The following MOXD1 variants were observed in gnomAD, a reference collection of about 807,000 sequenced individuals.
The protein encoded by MOXD1 is monooxygenase DBH like 1, also known as DBH-like monooxygenase protein 1.
In MOXD1, 62 loss-of-function variants were observed where a neutral mutation model predicts 66.6. That is an observed-to-expected ratio of 0.93 (90% CI 0.76 to 1.15). The LOEUF (loss-of-function observed/expected upper bound fraction) is 1.15, where lower values mean the gene tolerates loss of function less well. Among genes scored for constraint, MOXD1 ranks in the 50% most tolerant of loss-of-function variants. The pLI, the probability that MOXD1 is intolerant of heterozygous loss-of-function variation, is 0.00. For synonymous variants in MOXD1, 303 were observed against 281.9 expected (o/e 1.07, Z -0.75); for missense variants, 847 against 754.6 (o/e 1.12, Z -1.44).
chr6:132,329,101 C>T (rs2114585204), intron 4 of MOXD1, among the ~76,000 whole-genome samples: 1 of 152,258 alleles, frequency 6.6e-6, no homozygotes, highest in African/African-American at 2.4e-5. Context: ...TCTCCTAATG[C>T]TATCCCTCCC....
intron 1 of MOXD1, among the ~76,000 whole-genome samples, chr6:132,395,654 A>G (rs1452127790): frequency 3.3e-5 from 5 of 152,206 alleles, no homozygotes; most frequent in Non-Finnish European, 7.4e-5. Flanking sequence ...GTAAAGCCAT[A>G]TACTAACTGA....
chr6:132,366,765 A>C (rs777589530), intron 4 of MOXD1, among the ~76,000 whole-genome samples: 7 of 152,152 alleles, frequency 4.6e-5, no homozygotes, highest in Non-Finnish European at 1.0e-4. Flanking sequence ...AAGTGAGCAC[A>C]GTAGAAAAAC....
intron 4 of MOXD1, among the ~76,000 whole-genome samples, chr6:132,362,739 C>T (rs924721088): frequency 2.0e-5 from 3 of 152,190 alleles, no homozygotes; most frequent in Admixed American, 1.3e-4. Context: ...TTTTGGCTTG[C>T]TTCCAGCAAT....
chr6:132,392,827 T>C (rs1308379652), intron 1 of MOXD1, among the ~76,000 whole-genome samples: 1 of 152,240 alleles, frequency 6.6e-6, no homozygotes, highest in African/African-American at 2.4e-5. Flanking sequence ...GTTAATATCC[T>C]CTTTGCGGAA....
intron 4 of MOXD1, among the ~76,000 whole-genome samples, chr6:132,333,132 C>G (rs1380969997): frequency 1.3e-5 from 2 of 151,996 alleles, no homozygotes; most frequent in East Asian, 1.9e-4. Context: ...GTCAGGAGAT[C>G]GAGACCATCC....
At chr6:132,401,000 C>G (rs1777011054) in intron 1 of MOXD1, among the ~76,000 whole-genome samples, 163 bp downstream of exon 1, 1 of 152,200 alleles carries the variant, frequency 6.6e-6, no homozygotes, top group Non-Finnish European at 1.5e-5. Flanking sequence ...TCCGGGAGAG[C>G]AGGCGCTGCC....
intron 4 of MOXD1, among the ~76,000 whole-genome samples, chr6:132,339,356 G>C (rs1217204130): frequency 6.6e-6 from 1 of 151,982 alleles, no homozygotes; most frequent in Non-Finnish European, 1.5e-5. Context: ...TTCATTCTTG[G>C]ACTCAAATGA....
At chr6:132,399,625 C>T (rs1049397155) in intron 1 of MOXD1, among the ~76,000 whole-genome samples, 13 of 152,154 alleles carry the variant, frequency 8.5e-5, no homozygotes, top group African/African-American at 2.9e-4. Flanking sequence ...TCTAGAAATG[C>T]TACTCTTTGA....
rs75334565 is a variant in MOXD1 at position 132,344,851 on chromosome 6, C to A, written c.664-16257G>T. ...TAGGCTGCCCAACTCGTGTCTCACT[C>A]TCTGCTGAAAGCTGTTTCATCACTC... On this transcript the variant is annotated intron_variant, in intron 4 of 11. Transcript: ENST00000367963. Among the ~76,000 whole-genome samples the A allele has an allele frequency of 2.1e-3, 326 of 152,288 alleles. 2 individuals carry two copies. The highest frequency in any genetic ancestry group is 7.6e-3 in the African/African-American group (317 of 41,538).
chr6:132,395,366 A>G (rs1776848445), intron 1 of MOXD1, among the ~76,000 whole-genome samples: 1 of 152,132 alleles, frequency 6.6e-6, no homozygotes, highest in Non-Finnish European at 1.5e-5. Context: ...AAATATAAAA[A>G]CTACTAGAGC....
intron 4 of MOXD1, among the ~76,000 whole-genome samples, chr6:132,346,778 G>T (rs1266907470): frequency 2.6e-5 from 4 of 152,090 alleles, no homozygotes; most frequent in African/African-American, 9.7e-5. Flanking sequence ...TGATTAACTA[G>T]ATGCATAATC....
At chr6:132,298,144 A>G (rs941192064) in intron 10 of MOXD1, among the ~76,000 whole-genome samples, 189 bp from the exon 11 acceptor site, 1 of 152,068 alleles carries the variant, frequency 6.6e-6, no homozygotes, top group Non-Finnish European at 1.5e-5. Context: ...TTAAAGAATG[A>G]TATTTATTTT....
intron 6 of MOXD1, chr6:132,325,185 C>T (rs996750586): frequency 1.3e-5 from 2 of 152,118 alleles, no homozygotes; most frequent in African/African-American, 4.8e-5. Context: ...TTGTTGACTC[C>T]AGCTTCTTCA....
chr6:132,371,783 C>T lies in MOXD1; in HGVS notation c.663+825G>A, dbSNP rs563435813. 3.4e-4 allele frequency among the ~76,000 whole-genome samples: 52 copies of T among 152,252 alleles called. No individual in the cohort carries two copies. The South Asian group carries it at 8.9e-3, about 26-fold the overall frequency. On this transcript the variant is annotated intron_variant, in intron 4 of 11. Coordinates refer to ENST00000367963, the MANE Select transcript of MOXD1 (RefSeq NM_015529.4). The stretch of plus-strand genomic sequence containing the variant: ...AGTCTGGCAATTCATTCCTTATCCA[C>T]ATCGCTTCATTACATAGTCTGGGAA...
At chr6:132,317,207 C>T (rs974934959) in intron 9 of MOXD1, among the ~76,000 whole-genome samples, 24 of 152,008 alleles carry the variant, frequency 1.6e-4, no homozygotes, top group South Asian at 2.1e-4. Context: ...ATCCAGCTTT[C>T]GAAAACAAAG....
At chr6:132,311,914 T>C (rs960940136) in intron 10 of MOXD1, among the ~76,000 whole-genome samples, 1 of 152,106 alleles carries the variant, frequency 6.6e-6, no homozygotes, top group African/African-American at 2.4e-5. Flanking sequence ...GAGTTTTAAA[T>C]AGGAAAAACA....
chr6:132,386,086 G>C (rs1776628323), intron 1 of MOXD1, among the ~76,000 whole-genome samples: 1 of 136,050 alleles, frequency 7.4e-6, no homozygotes, highest in Non-Finnish European at 1.5e-5. Context: ...CTGGGCGACA[G>C]GGCAAGACTG....
intron 4 of MOXD1, among the ~76,000 whole-genome samples, chr6:132,338,979 C>T (rs1279170606): frequency 6.6e-6 from 1 of 152,122 alleles, no homozygotes; most frequent in Non-Finnish European, 1.5e-5. Context: ...ACAAGTAAGT[C>T]TATACAAGTA....
intron 4 of MOXD1, among the ~76,000 whole-genome samples, chr6:132,370,766 G>A (rs377484337): frequency 3.3e-5 from 5 of 152,216 alleles, no homozygotes; most frequent in African/African-American, 1.2e-4. Flanking sequence ...CAAATGTCTA[G>A]TGAAGACAGC....
Sources: gnomAD v4.1 joint callset for allele counts (sites outside exome capture counted in the v4.1 genomes callset) on GRCh38, gnomAD v4.1.1 for gene constraint, MANE v1.5 for transcripts, NCBI Gene and HGNC (gene_info 2026-07-23, HGNC 2026-07-21) for gene names.